The following SPAG16 variants were observed in gnomAD, a reference collection of about 807,000 sequenced individuals.
SPAG16 encodes the protein sperm associated antigen 16.
A neutral mutation model predicts 80.4 loss-of-function variants in SPAG16; 86 were observed. The ratio of observed to expected loss-of-function variants is 1.07; its 90% confidence interval spans 0.90 to 1.28. The LOEUF is 1.28. Among genes scored for constraint, SPAG16 ranks in the 50% most tolerant of loss-of-function variants. The pLI is 0.00. For synonymous variants in SPAG16, 294 were observed against 265.9 expected (o/e 1.11, Z -1.03); for missense variants, 870 against 765.3 (o/e 1.14, Z -1.61).
intron 15 of SPAG16, among the ~76,000 whole-genome samples, chr2:214,211,166 C>T (rs981094208): frequency 3.3e-5 from 5 of 150,192 alleles, no homozygotes; most frequent in Non-Finnish European, 7.4e-5. Context: ...AGTAAAGAGG[C>T]AAAAAAAAAT....
At chr2:214,210,882 G>C (rs1038831917) in intron 15 of SPAG16, among the ~76,000 whole-genome samples, 2 of 151,592 alleles carry the variant, frequency 1.3e-5, no homozygotes, top group Middle Eastern at 6.8e-3. Context: ...CTTATATATG[G>C]ATCTTATGAT....
At chr2:213,437,236 A>G (rs1267608407) in intron 9 of SPAG16, among the ~76,000 whole-genome samples, 1 of 152,206 alleles carries the variant, frequency 6.6e-6, no homozygotes, top group Non-Finnish European at 1.5e-5. Context: ...CATTGTTATG[A>G]AAGGTAAGAG....
intron 10 of SPAG16, among the ~76,000 whole-genome samples, chr2:213,683,844 C>A (rs2064519148): frequency 6.6e-6 from 1 of 152,118 alleles, no homozygotes; most frequent in Non-Finnish European, 1.5e-5. Context: ...AAAAGTTGTT[C>A]TCATTTGCAA....
At chr2:213,999,228 G>A (rs972310144) in intron 12 of SPAG16, among the ~76,000 whole-genome samples, 2 of 152,180 alleles carry the variant, frequency 1.3e-5, no homozygotes, top group African/African-American at 2.4e-5. Flanking sequence ...CATGTGCCTG[G>A]CCCAGGATCC....
intron 12 of SPAG16, among the ~76,000 whole-genome samples, chr2:213,960,560 T>G (rs1180456243): frequency 6.6e-6 from 1 of 152,170 alleles, no homozygotes; most frequent in Non-Finnish European, 1.5e-5. Context: ...TTATTTTGGT[T>G]TATTGTTTTT....
At chr2:213,478,613 T>G (rs2073564244) in intron 9 of SPAG16, among the ~76,000 whole-genome samples, 1 of 152,200 alleles carries the variant, frequency 6.6e-6, no homozygotes, top group African/African-American at 2.4e-5. Context: ...TTAGGAACTT[T>G]GATATCAGGG....
At chr2:213,764,036 A>G (rs959893630) in intron 10 of SPAG16, among the ~76,000 whole-genome samples, 2 of 152,206 alleles carry the variant, frequency 1.3e-5, no homozygotes, top group Non-Finnish European at 2.9e-5. Flanking sequence ...CAGAGTCACA[A>G]GTGAATCTCT....
chr2:213,400,434 A>G (rs1455578306), intron 9 of SPAG16, among the ~76,000 whole-genome samples: 1 of 152,148 alleles, frequency 6.6e-6, no homozygotes, highest in Middle Eastern at 3.2e-3. Flanking sequence ...TCAAATTTAC[A>G]TATGCATGGG....
chr2:213,947,073 C>A (rs185607946), intron 12 of SPAG16, among the ~76,000 whole-genome samples: 1 of 151,786 alleles, frequency 6.6e-6, no homozygotes, highest in Non-Finnish European at 1.5e-5. Context: ...TGTATATAAA[C>A]ATCATAGTTT....
chr2:213,696,337 T>A (rs992830111), intron 10 of SPAG16, among the ~76,000 whole-genome samples: 2 of 152,146 alleles, frequency 1.3e-5, no homozygotes, highest in South Asian at 4.1e-4. Context: ...TAATTGACAA[T>A]TGGATATGTG....
chr2:214,236,415 G>GTGGCTCACGCCA (rs1689080806), intron 15 of SPAG16, among the ~76,000 whole-genome samples: 1 of 152,192 alleles, frequency 6.6e-6, no homozygotes, highest in Admixed American at 6.5e-5. Context: ...ACTTTGAGAG[G>GTGGCTCACGCCA]CCTAGTCGGG....
At chr2:213,769,898 T>C (rs906915793) in intron 10 of SPAG16, among the ~76,000 whole-genome samples, 4 of 152,188 alleles carry the variant, frequency 2.6e-5, no homozygotes, top group African/African-American at 9.7e-5. Flanking sequence ...TCACAAAGTG[T>C]GCCCAATAAG....
intron 15 of SPAG16, among the ~76,000 whole-genome samples, chr2:214,408,006 A>T (rs544941923): frequency 6.6e-6 from 1 of 152,276 alleles, no homozygotes; most frequent in South Asian, 2.1e-4. Flanking sequence ...AAAACCGCAT[A>T]ATAAATTTGC....
At chr2:213,573,934 T>A (rs1287360708) in intron 10 of SPAG16, among the ~76,000 whole-genome samples, 1 of 152,186 alleles carries the variant, frequency 6.6e-6, no homozygotes, top group Non-Finnish European at 1.5e-5. Flanking sequence ...CTGGGGATCT[T>A]GTGAAAAAAT....
In SPAG16 at chr2:214,228,693, T is replaced by G. The variant is rs902343226; in HGVS notation, c.1720+79427T>G. Among the ~76,000 whole-genome samples the G allele has an allele frequency of 7.2e-5, 11 of 152,034 alleles. No homozygotes were observed. In the South Asian group the frequency reaches 2.3e-3, roughly 32 times the overall value. On this transcript the variant is annotated intron_variant, in intron 15 of 15. Transcript: ENST00000331683. ...AGCCATCAGTATTTTGACCTCAAAC[T>G]GATTCTGATGAAAAGGTAAAGTTGC...
intron 13 of SPAG16, among the ~76,000 whole-genome samples, chr2:214,019,291 G>GTT (rs2047741130): frequency 6.8e-6 from 1 of 147,358 alleles, no homozygotes; most frequent in African/African-American, 2.5e-5. Context: ...TTTTTTTAAA[G>GTT]AAAAGAATGT....
At chr2:214,207,802 A>G (rs139343144) in intron 15 of SPAG16, among the ~76,000 whole-genome samples, 351 of 152,302 alleles carry the variant, frequency 2.3e-3, no homozygotes, top group African/African-American at 8.1e-3. Context: ...AGCAGAGAAG[A>G]AGGTATGACA....
chr2:213,734,174 C>T (rs374387301), intron 10 of SPAG16, among the ~76,000 whole-genome samples: 2 of 152,072 alleles, frequency 1.3e-5, no homozygotes, highest in East Asian at 3.9e-4. Context: ...CATTCTTGAT[C>T]GAGTGATGGG....
chr2:213,314,226 AT>A (rs930783094), intron 4 of SPAG16, among the ~76,000 whole-genome samples: 17 of 151,938 alleles, frequency 1.1e-4, no homozygotes, highest in African/African-American at 3.9e-4. Flanking sequence ...TATTAAGATA[AT>A]TAATGCAGTT....
Sources: gnomAD v4.1 joint callset for allele counts (sites outside exome capture counted in the v4.1 genomes callset) on GRCh38, gnomAD v4.1.1 for gene constraint, MANE v1.5 for transcripts, NCBI Gene and HGNC (gene_info 2026-07-23, HGNC 2026-07-21) for gene names.